PAQR3: variants seen among roughly 807,000 people sequenced by gnomAD.
The protein encoded by PAQR3 is Raf kinase trapping to Golgi.
In PAQR3, 39 loss-of-function variants were observed where a neutral mutation model predicts 41.7. That is an observed-to-expected ratio of 0.93 (90% CI 0.72 to 1.22). PAQR3 has a LOEUF of 1.22. Ranked by LOEUF, PAQR3 falls within the 50% of genes most tolerant of loss-of-function variation. PAQR3 has a pLI of 0.00. For synonymous variants in PAQR3, 140 were observed against 140.6 expected, an observed-to-expected ratio of 1.00 and a Z score of 0.03; for missense variants, 366 against 385.6, an observed-to-expected ratio of 0.95 and a Z score of 0.42.
chr4:78,939,417 C>T lies in PAQR3; in HGVS notation c.-193G>A, dbSNP rs952575266. 1.4e-5 allele frequency: 4 copies of T among 280,676 alleles called. No homozygotes were observed. The highest frequency in any genetic ancestry group is 2.5e-5 in the Non-Finnish European group (4 of 162,846). The allele number at this position is 280,676 out of a possible 1,614,324, so 17.4% of individuals were successfully genotyped here. A position where few individuals can be genotyped will look rare whatever the true frequency, so the allele number is the denominator to read the frequency against. On this transcript the variant is annotated 5_prime_UTR_variant, in exon 1 of 6. Coordinates refer to ENST00000512733, the MANE Select transcript of PAQR3 (RefSeq NM_001040202.2). ...ACTGCCGCCAGCGCCGCGGCGGACCCGGCAGCGTCGCAGCCTCCTCTGACG... is the reference window on the plus strand; with the variant it reads ...ACTGCCGCCAGCGCCGCGGCGGACCTGGCAGCGTCGCAGCCTCCTCTGACG...
At chr4:78,935,711 A>G (rs893622574) in intron 1 of PAQR3, among the ~76,000 whole-genome samples, 1 of 152,252 alleles carries the variant, frequency 6.6e-6, no homozygotes, top group Non-Finnish European at 1.5e-5. Flanking sequence ...AGCACACTCT[A>G]TCAATAATAC....
Position 78,912,057 on chromosome 4 carries a change from T to A in PAQR3, c.*8482A>T, listed in dbSNP as rs185225403. ...AGATACTTCTGATGGATTCTCGGCA[T>A]TAACTCCTGTTTCAAAAAAGTGTGA... On this transcript the variant is annotated 3_prime_UTR_variant, in exon 6 of 6. Coordinates refer to ENST00000512733, the MANE Select transcript of PAQR3 (RefSeq NM_001040202.2). 6 of 1,551,228 alleles carry A rather than the reference T, an allele frequency of 3.9e-6. No homozygotes were observed. In the East Asian group the frequency reaches 1.4e-4, roughly 35 times the overall value.
chr4:78,936,138 T>A (rs928006763), intron 1 of PAQR3, among the ~76,000 whole-genome samples: 4 of 152,212 alleles, frequency 2.6e-5, no homozygotes, highest in Admixed American at 6.5e-5. Context: ...GGAGCTTCAT[T>A]AGATGCTGCT....
Position 78,912,020 on chromosome 4 carries a change from C to G in PAQR3, c.*8519G>C. ...GACCCATTTGGTGCTGCTCCATTTC[C>G]TTCTAAACAGTAGATACTTCTGATG... is the stretch of plus-strand genomic sequence containing the variant. On this transcript the variant is annotated 3_prime_UTR_variant, in exon 6 of 6. Coordinates refer to ENST00000512733, the MANE Select transcript of PAQR3 (RefSeq NM_001040202.2). The G allele has an allele frequency of 6.2e-7, 1 of 1,607,916 alleles. No homozygotes were observed. Among genetic ancestry groups the G allele is most frequent in the Non-Finnish European group, 8.5e-7 (1 of 1,176,150 alleles).
At position 78,887,431 on chromosome 4, in the gene PAQR3, A is replaced by AATG. The variant is rs1733156716; in HGVS notation, c.*925-125_*925-123dup. The AATG allele has an allele frequency of 1.4e-5, 9 of 647,226 alleles. No homozygotes were observed. The South Asian group carries it at 1.7e-4, about 12-fold the overall frequency. The allele number at this position is 647,226 out of a possible 1,614,324, so 40.1% of individuals were successfully genotyped here. The stretch of plus-strand genomic sequence containing the variant: ...AACCTTTAGCCATCCTACTCTTCTT[A>AATG]ATGATGTTCTTTGCATTGAGTTATT... On this transcript the variant is annotated intron_variant and NMD_transcript_variant, in intron 12 of 12. Transcript: ENST00000342820.
At chr4:78,895,103 GA>G (rs1733634996) in intron 11 of PAQR3, among the ~76,000 whole-genome samples, 1 of 152,126 alleles carries the variant, frequency 6.6e-6, no homozygotes, top group South Asian at 2.1e-4. Flanking sequence ...CAATAATAAT[GA>G]AAAAGTTTTA....
chr4:78,930,065 G>C (rs1736679039), intron 3 of PAQR3, 105 bp downstream of exon 3: 1 of 1,104,682 alleles, frequency 9.1e-7, no homozygotes, highest in Admixed American at 2.6e-5. Flanking sequence ...CTTCTATTTA[G>C]TCTATAAGTT....
At position 78,914,154 on chromosome 4, in the gene PAQR3, TTCA is replaced by T. The variant is rs1262552651; in HGVS notation, c.*6382_*6384del. On this transcript the variant is annotated 3_prime_UTR_variant, in exon 6 of 6. Coordinates refer to ENST00000512733, the MANE Select transcript of PAQR3 (RefSeq NM_001040202.2). The stretch of plus-strand genomic sequence containing the variant: ...TTGGTCTCTGCTAGACCTCATGAGT[TTCA>T]TCATTTAGAAAAGGGGTAGAGGATG... 6.6e-6 allele frequency: 1 copy of T among 152,068 alleles called. No homozygotes were observed. Among genetic ancestry groups the T allele is most frequent in the African/African-American group, 2.4e-5 (1 of 41,440 alleles). The allele number at this position is 152,068 out of a possible 1,614,324, so 9.4% of individuals were successfully genotyped here.
At chr4:78,909,030 A>AC (rs936589621), downstream of PAQR3, among the ~76,000 whole-genome samples, 36 of 133,508 alleles carry the variant, frequency 2.7e-4, no homozygotes, top group Admixed American at 2.7e-3. Flanking sequence ...TTTTGCCTGA[A>AC]CTCCCCTTCT....
chr4:78,929,209 A>G (rs1054258667), intron 3 of PAQR3, among the ~76,000 whole-genome samples: 4 of 152,196 alleles, frequency 2.6e-5, no homozygotes, highest in African/African-American at 9.6e-5. Context: ...GACAGGCTCT[A>G]TTCTTTGTAA....
intron 5 of PAQR3, chr4:78,921,578 A>G (rs1735665188): frequency 1.3e-6 from 1 of 791,168 alleles, no homozygotes; most frequent in African/African-American, 1.9e-5. Context: ...GATTACAACA[A>G]ATATTGATTA....
intron 5 of PAQR3, chr4:78,923,125 CT>C (rs1283944583): frequency 2.8e-6 from 1 of 361,860 alleles, no homozygotes; most frequent in Non-Finnish European, 5.4e-6. Flanking sequence ...TTTATAGACC[CT>C]TTTGATGTAC....
In PAQR3 at chr4:78,918,748, A is replaced by C. The variant is rs539799056; in HGVS notation, c.*1791T>G. ...ATAATAAAAATGGCTCCACACCTAA[A>C]ATAATGATTTTCCCCTCATTTTTAA... On this transcript the variant is annotated 3_prime_UTR_variant, in exon 6 of 6. Coordinates refer to ENST00000512733, the MANE Select transcript of PAQR3 (RefSeq NM_001040202.2). 1.5e-5 allele frequency: 15 copies of C among 981,616 alleles called. No homozygotes were observed. The African/African-American group carries it at 2.3e-4, about 15-fold the overall frequency. The allele number at this position is 981,616 out of a possible 1,614,324, so 60.8% of individuals were successfully genotyped here.
intron 11 of PAQR3, chr4:78,898,794 GAAAT>G (rs1035601033): frequency 2.0e-5 from 3 of 151,922 alleles, no homozygotes; most frequent in Admixed American, 6.6e-5. Flanking sequence ...ACAAAAATAA[GAAAT>G]AAACCTATTG....
rs1553925635 is a variant in PAQR3 at position 78,931,185 on chromosome 4, TAAAAAA to T, written c.349-866_349-861del. Among the ~76,000 whole-genome samples the T allele has an allele frequency of 4.3e-5, 5 of 115,062 alleles. 1 individual carries two copies. The highest frequency in any genetic ancestry group is 2.8e-4 in the Admixed American group (3 of 10,662). The allele number at this position is 115,062 out of a possible 152,430, so 75.5% of individuals were successfully genotyped here. On this transcript the variant is annotated intron_variant, in intron 2 of 5. Transcript: ENST00000512733. ...GGCAACATAGGGAGACCTCATTTCT[TAAAAAA>T]AAAAAAAAAAAAAAAAAAAAATTGG...
intron 11 of PAQR3, among the ~76,000 whole-genome samples, chr4:78,892,105 C>T (rs1253751950): frequency 6.6e-6 from 1 of 152,064 alleles, no homozygotes; most frequent in Non-Finnish European, 1.5e-5. Context: ...ATGTTGGTCT[C>T]GTAAAATGAG....
At chr4:78,936,699 T>A (rs1560586721) in intron 1 of PAQR3, among the ~76,000 whole-genome samples, 2 of 152,206 alleles carry the variant, frequency 1.3e-5, no homozygotes, top group Non-Finnish European at 2.9e-5. Context: ...GCTTGAAACA[T>A]CTAACTACAG....
rs753614668 is a variant in PAQR3 at position 78,923,964 on chromosome 4, G to T, written c.703-17C>A. The T allele has an allele frequency of 5.1e-6, 8 of 1,565,222 alleles. No individual in the cohort carries two copies. Among genetic ancestry groups the T allele is most frequent in the Non-Finnish European group, 7.0e-6 (8 of 1,136,328 alleles). ...TGCAAAGTCCTGAAAAGCAGAACAT[G>T]TTTTTTTACAGATCTTCCTACTGTT... is the stretch of plus-strand genomic sequence containing the variant. On this transcript the variant is annotated splice_polypyrimidine_tract_variant and intron_variant, in intron 4 of 5. Transcript: ENST00000512733.
At chr4:78,909,243 G>A (rs1361058645), downstream of PAQR3, among the ~76,000 whole-genome samples, 8 of 151,506 alleles carry the variant, frequency 5.3e-5, no homozygotes, top group Admixed American at 2.6e-4. Flanking sequence ...TCACCATGTT[G>A]GCCAGGCTGG....
Sources: allele counts gnomAD v4.1 joint callset (sites outside exome capture counted in the v4.1 genomes callset), GRCh38; gene constraint gnomAD v4.1.1; transcripts MANE v1.5; gene names NCBI Gene and HGNC (gene_info 2026-07-23, HGNC 2026-07-21).